Variants in SNTN observed in about 807,000 individuals in gnomAD.
SNTN encodes the protein sentan.
Under a neutral mutation model 12.3 loss-of-function variants are expected in SNTN, and 13 were observed. The observed-to-expected ratio is 1.05, with a 90% CI of 0.69 to 1.67. The LOEUF (loss-of-function observed/expected upper bound fraction) is 1.67. Ranked by LOEUF, SNTN falls within the 40% of genes most tolerant of loss-of-function variation. SNTN has a pLI of 0.00. For missense variants in SNTN, 189 were observed against 169.8 expected (o/e 1.11, Z -0.63); for synonymous variants, 69 against 58.5 (o/e 1.18, Z -0.82).
At position 63,654,282 on chromosome 3, in the gene SNTN, T is replaced by C. The variant is rs149796568; in HGVS notation, c.111-480T>C. ...AAAAAACTTCAAAGTCTGAGCATTTTACAGAATGCGAAGTCCTTTTTTCTT... is the reference window on the plus strand; with the variant it reads ...AAAAAACTTCAAAGTCTGAGCATTTCACAGAATGCGAAGTCCTTTTTTCTT... On this transcript the variant is annotated intron_variant, in intron 1 of 3. Transcript: ENST00000343837. Among the ~76,000 whole-genome samples, 564 of 152,332 alleles carry C rather than the reference T, an allele frequency of 3.7e-3. 4 individuals are homozygous for C. Among genetic ancestry groups the C allele is most frequent in the Middle Eastern group, 0.01 (3 of 294 alleles).
intron 2 of SNTN, among the ~76,000 whole-genome samples, chr3:63,657,299 C>G (rs1180653446): frequency 6.6e-6 from 1 of 152,104 alleles, no homozygotes; most frequent in Non-Finnish European, 1.5e-5. Flanking sequence ...ACCCCCATTC[C>G]AGAGGCAAGA....
At chr3:63,652,957 A>G (rs138228506) in intron 1 of SNTN, among the ~76,000 whole-genome samples, 160 bp downstream of exon 1, 12 of 152,308 alleles carry the variant, frequency 7.9e-5, no homozygotes, top group African/African-American at 2.6e-4. Context: ...AACAAAGACA[A>G]CAAACTTGCA....
intron 2 of SNTN, among the ~76,000 whole-genome samples, chr3:63,656,951 A>G (rs1559560403): frequency 6.6e-6 from 1 of 152,164 alleles, no homozygotes. Context: ...GTTGATACTA[A>G]GACATACCTC....
chr3:63,663,718 G>T, intron 3 of SNTN: 1 of 667,678 alleles, frequency 1.5e-6, no homozygotes, highest in Non-Finnish European at 2.8e-6. Flanking sequence ...CTTCTACCAT[G>T]AGTGGAAGCA....
Position 63,659,751 on chromosome 3 carries a change from A to T in SNTN, c.172A>T (p.Lys58Ter). ...KALRKCSDLE[K>*]AIATTALIFR... Reference sequence around the variant, plus strand: ...TCTGAGGAAGTGCTCAGATCTGGAAAAAGCTATTGCCACCACTGCTCTGAT... The same window carrying T: ...TCTGAGGAAGTGCTCAGATCTGGAATAAGCTATTGCCACCACTGCTCTGAT... The change falls in exon 3 of 4, where the codon AAA (lysine) becomes TAA (stop). Residue 58 changes from lysine to a stop codon, truncating the protein, a stop_gained. Transcript: ENST00000343837. LOFTEE classifies it high-confidence loss of function. 1 of 1,614,008 alleles carries T rather than the reference A, an allele frequency of 6.2e-7. No homozygotes were observed. The highest frequency in any genetic ancestry group is 8.5e-7 in the Non-Finnish European group (1 of 1,179,898).
At chr3:63,657,958 T>C (rs1303114685) in intron 2 of SNTN, among the ~76,000 whole-genome samples, 1 of 152,170 alleles carries the variant, frequency 6.6e-6, no homozygotes, top group African/African-American at 2.4e-5. Flanking sequence ...CTCTTGTCCA[T>C]CCTCCTCACC....
chr3:63,656,072 G>T (rs1418758059), intron 2 of SNTN, among the ~76,000 whole-genome samples: 3 of 152,144 alleles, frequency 2.0e-5, no homozygotes, highest in African/African-American at 7.2e-5. Context: ...CTCTCCTGTA[G>T]GTCTTCACAT....
intron 1 of SNTN, among the ~76,000 whole-genome samples, chr3:63,653,860 T>C (rs1164246712): frequency 6.6e-6 from 1 of 152,222 alleles, no homozygotes; most frequent in Admixed American, 6.5e-5. Context: ...AGGCTCAATA[T>C]GCCCTGGCCC....
intron 3 of SNTN, among the ~76,000 whole-genome samples, chr3:63,663,407 G>A (rs1328842537): frequency 6.6e-6 from 1 of 152,184 alleles, no homozygotes; most frequent in East Asian, 1.9e-4. Context: ...TTGGCAACTT[G>A]ATGTGTTATT....
chr3:63,660,885 A>C (rs1700736703), intron 3 of SNTN, among the ~76,000 whole-genome samples: 1 of 152,202 alleles, frequency 6.6e-6, no homozygotes, highest in Non-Finnish European at 1.5e-5. Flanking sequence ...GCAGTATATA[A>C]TCAGTCACTG....
chr3:63,657,955 C>G (rs889647481), intron 2 of SNTN, among the ~76,000 whole-genome samples: 1 of 152,178 alleles, frequency 6.6e-6, no homozygotes, highest in Non-Finnish European at 1.5e-5. Flanking sequence ...TCACTCTTGT[C>G]CATCCTCCTC....
chr3:63,661,904 C>T (rs1325321258), intron 3 of SNTN, among the ~76,000 whole-genome samples: 1 of 152,144 alleles, frequency 6.6e-6, no homozygotes, highest in Non-Finnish European at 1.5e-5. Context: ...GATGCACCAT[C>T]TTGATGTAAC....
In SNTN at chr3:63,657,417, G is replaced by A. The variant is rs118055107; in HGVS notation, c.146-2308G>A. On this transcript the variant is annotated intron_variant, in intron 2 of 3. Coordinates refer to ENST00000343837, the MANE Select transcript of SNTN (RefSeq NM_001080537.2). The stretch of plus-strand genomic sequence containing the variant: ...TACTAGTTCCCAACTCTGCGAGGCA[G>A]ACAGTGAAGGAATTAAGAGGCAGCA... Among the ~76,000 whole-genome samples, 170 of 151,368 alleles carry A rather than the reference G, an allele frequency of 1.1e-3. 6 individuals carry two copies. The East Asian group carries it at 0.027, about 24-fold the overall frequency.
At chr3:63,654,709 A>AT in intron 1 of SNTN, 53 bp from the exon 2 acceptor site, 1 of 1,521,550 alleles carries the variant, frequency 6.6e-7, no homozygotes, top group South Asian at 1.1e-5. Context: ...ATAGATGCTG[A>AT]TATCAATACC....
chr3:63,660,996 G>A (rs1700738026), intron 3 of SNTN, among the ~76,000 whole-genome samples: 1 of 152,152 alleles, frequency 6.6e-6, no homozygotes, highest in African/African-American at 2.4e-5. Flanking sequence ...TATAGCCTGT[G>A]TTGCTTAGAA....
chr3:63,652,774 C>A lies in SNTN; in HGVS notation c.87C>A (p.Cys29Ter), dbSNP rs141597926. 1 of 1,613,860 alleles carries A rather than the reference C, an allele frequency of 6.2e-7. No homozygotes were observed. The highest frequency in any genetic ancestry group is 1.7e-5 in the Admixed American group (1 of 59,976). ...CTTCTGCAGCCCCAACATCCACCTG[C>A]GCACCTAGGAAAATGCCCAAAAGGT... ...PNPSAAPTST[C>*]APRKMPKRIS... The change falls in exon 1 of 4, where the codon TGC (cysteine) becomes TGA (stop). Residue 29 changes from cysteine to a stop codon, truncating the protein, a stop_gained. Transcript: ENST00000343837. LOFTEE classifies it high-confidence loss of function.
Position 63,663,983 on chromosome 3 carries a change from A to T in SNTN, c.332A>T (p.Asp111Val). ...PKYREILSELDEHTENKLDFE... is the reference protein window; with the variant it reads ...PKYREILSELVEHTENKLDFE... ...TACAGAGAGATCCTTTCTGAACTTG[A>T]TGAGCACACAGAAAATAAGCTAGAT... The change falls in exon 4 of 4, where the codon GAT (aspartate) becomes GTT (valine). Residue 111 changes from aspartate to valine, a missense_variant. Asp to Val is a radical substitution (Grantham distance 152). Transcript: ENST00000343837. 1 of 1,614,030 alleles carries T rather than the reference A, an allele frequency of 6.2e-7. No individual in the cohort carries two copies. Among genetic ancestry groups the T allele is most frequent in the African/African-American group, 1.3e-5 (1 of 75,068 alleles).
intron 3 of SNTN, 83 bp downstream of exon 3, chr3:63,659,947 C>T: frequency 6.6e-7 from 1 of 1,522,508 alleles, no homozygotes; most frequent in Non-Finnish European, 9.0e-7. Flanking sequence ...GCTCCAGGTC[C>T]CTGTCATGTT....
chr3:63,657,192 G>A (rs1033579210), intron 2 of SNTN, among the ~76,000 whole-genome samples: 35 of 152,040 alleles, frequency 2.3e-4, no homozygotes, highest in Admixed American at 3.9e-4. Flanking sequence ...AGTATGCAGC[G>A]ACTACACACA....
Sources: allele counts gnomAD v4.1 joint callset (sites outside exome capture counted in the v4.1 genomes callset), GRCh38; gene constraint gnomAD v4.1.1; transcripts MANE v1.5; gene names NCBI Gene and HGNC (gene_info 2026-07-23, HGNC 2026-07-21).